The following FAM117B variants were observed in gnomAD, a reference collection of about 807,000 sequenced individuals.
FAM117B encodes family with sequence similarity 117 member B.
A neutral mutation model predicts 52.8 loss-of-function variants in FAM117B; 22 were observed. The ratio of observed to expected loss-of-function variants is 0.42; its 90% CI spans 0.30 to 0.59. The LOEUF is 0.59. Among genes scored for constraint, FAM117B ranks in the 20% least tolerant of loss-of-function variants. FAM117B has a pLI of 0.22. For missense variants in FAM117B, 678 were observed against 802.6 expected, an observed-to-expected ratio of 0.84 and a Z score of 1.88; for synonymous variants, 309 against 324.1, an observed-to-expected ratio of 0.95 and a Z score of 0.50.
intron 1 of FAM117B, 42 bp downstream of exon 1, chr2:202,635,830 G>A (rs1003775884): frequency 3.6e-6 from 5 of 1,388,326 alleles, no homozygotes; most frequent in East Asian, 3.1e-5. Context: ...GGCGGCTGCG[G>A]GAAGGGGTCC....
At chr2:202,686,469 A>G (rs1486127807) in intron 1 of FAM117B, among the ~76,000 whole-genome samples, 1 of 152,224 alleles carries the variant, frequency 6.6e-6, no homozygotes, top group Non-Finnish European at 1.5e-5. Context: ...ATTTTCGTAT[A>G]TGACTTATTC....
At chr2:202,707,719 G>A (rs188972279) in intron 2 of FAM117B, among the ~76,000 whole-genome samples, 8 of 151,982 alleles carry the variant, frequency 5.3e-5, no homozygotes, top group Admixed American at 1.3e-4. Context: ...AAGTCATTCA[G>A]TCAGTCCATC....
intron 4 of FAM117B, among the ~76,000 whole-genome samples, chr2:202,734,986 CT>C (rs1308756087): frequency 2.0e-5 from 3 of 152,172 alleles, no homozygotes; most frequent in East Asian, 1.9e-4. Context: ...TCTTTCTCCC[CT>C]ATTGCTGACA....
chr2:202,650,959 G>A (rs540753328), intron 1 of FAM117B, among the ~76,000 whole-genome samples: 1 of 151,820 alleles, frequency 6.6e-6, no homozygotes, highest in Non-Finnish European at 1.5e-5. Context: ...AAACAAACCC[G>A]GGAACAATAC....
chr2:202,652,546 T>C (rs577321622), intron 1 of FAM117B, among the ~76,000 whole-genome samples: 18 of 152,324 alleles, frequency 1.2e-4, no homozygotes, highest in African/African-American at 4.1e-4. Flanking sequence ...GAAGAACATA[T>C]GTAGTATTAC....
At chr2:202,757,555 CA>C (rs1691821650) in intron 6 of FAM117B, 117 bp downstream of exon 6, 1 of 1,110,222 alleles carries the variant, frequency 9.0e-7, no homozygotes. Flanking sequence ...TTAATGTGTT[CA>C]AAGCCTAGGT....
chr2:202,665,356 T>C (rs1690186550), intron 1 of FAM117B, among the ~76,000 whole-genome samples: 1 of 151,860 alleles, frequency 6.6e-6, no homozygotes, highest in Non-Finnish European at 1.5e-5. Context: ...AAGCCAGCAG[T>C]GGAATATCTC....
At chr2:202,664,313 T>C (rs1176215661) in intron 1 of FAM117B, among the ~76,000 whole-genome samples, 1 of 152,120 alleles carries the variant, frequency 6.6e-6, no homozygotes, top group Non-Finnish European at 1.5e-5. Context: ...GTAGGAAAAA[T>C]GATAAAAATA....
At chr2:202,649,539 T>A in intron 1 of FAM117B, among the ~76,000 whole-genome samples, 1 of 130,734 alleles carries the variant, frequency 7.6e-6, no homozygotes, top group South Asian at 2.1e-4. Flanking sequence ...TGCTTTGTTA[T>A]TTATTTATTT....
chr2:202,655,122 G>A (rs13397870), intron 1 of FAM117B, among the ~76,000 whole-genome samples: 13,672 of 152,148 alleles, frequency 0.09, 2,067 homozygotes, highest in African/African-American at 0.31. Flanking sequence ...AATGTCATAT[G>A]AATGAGTTGT....
intron 1 of FAM117B, among the ~76,000 whole-genome samples, chr2:202,648,391 C>T (rs1689902124): frequency 6.6e-6 from 1 of 151,870 alleles, no homozygotes; most frequent in South Asian, 2.1e-4. Flanking sequence ...TCGGTGTGCG[C>T]CTGTAGTCCC....
chr2:202,746,655 A>G (rs1319781911), intron 4 of FAM117B, among the ~76,000 whole-genome samples: 1 of 152,178 alleles, frequency 6.6e-6, no homozygotes, highest in African/African-American at 2.4e-5. Context: ...GGAAATGGGT[A>G]ATTTCATTGA....
intron 2 of FAM117B, among the ~76,000 whole-genome samples, chr2:202,699,428 AAAAAAAAAAAAAAAAAAAAAG>A (rs1690762719): frequency 3.3e-5 from 4 of 122,858 alleles, no homozygotes; most frequent in Non-Finnish European, 6.5e-5. Context: ...CCCCATCTCA[AAAAAAAAAAAAAAAAAAAAAG>A]AAAAAAAAAA....
At chr2:202,648,327 T>G (rs1490459789) in intron 1 of FAM117B, among the ~76,000 whole-genome samples, 1 of 152,032 alleles carries the variant, frequency 6.6e-6, no homozygotes, top group Admixed American at 6.6e-5. Flanking sequence ...CTGGGCAACA[T>G]GGTGAAACCC....
intron 2 of FAM117B, among the ~76,000 whole-genome samples, chr2:202,703,376 C>T (rs192671395): frequency 6.6e-6 from 1 of 152,192 alleles, no homozygotes; most frequent in African/African-American, 2.4e-5. Context: ...CTTCCTCCTA[C>T]CTCCTTCCCT....
At chr2:202,660,698 C>T (rs1298519672) in intron 1 of FAM117B, among the ~76,000 whole-genome samples, 2 of 152,128 alleles carry the variant, frequency 1.3e-5, no homozygotes, top group Admixed American at 1.3e-4. Flanking sequence ...TTAACCTCTC[C>T]ACACTATCAT....
At chr2:202,642,365 A>ATATATATATATATATATAT (rs1559092461) in intron 1 of FAM117B, among the ~76,000 whole-genome samples, 2 of 148,556 alleles carry the variant, frequency 1.3e-5, no homozygotes, top group Admixed American at 6.7e-5. Flanking sequence ...ATATATATAT[A>ATATATATATATATATATAT]AAATGAGTAG....
At position 202,768,267 on chromosome 2, in the gene FAM117B, T is replaced by C. The variant is rs1692015193; in HGVS notation, c.*2503T>C. 6.6e-6 allele frequency: 1 copy of C among 152,216 alleles called. No individual in the cohort carries two copies. The highest frequency in any genetic ancestry group is 6.5e-5 in the Admixed American group (1 of 15,280). 9.4% of individuals were successfully genotyped at this position (152,216 alleles called of 1,614,324 possible). Reference sequence around the variant, plus strand: ...TGTGCCTATTTGTCTAATTCATATCTTTCTGTGGAGTTTCATATGTCCTTA... The same window carrying C: ...TGTGCCTATTTGTCTAATTCATATCCTTCTGTGGAGTTTCATATGTCCTTA... On this transcript the variant is annotated 3_prime_UTR_variant, in exon 8 of 8. Coordinates refer to ENST00000392238, the MANE Select transcript of FAM117B (RefSeq NM_173511.4).
intron 2 of FAM117B, among the ~76,000 whole-genome samples, chr2:202,715,647 A>G (rs1481469243): frequency 2.8e-5 from 4 of 142,140 alleles, no homozygotes; most frequent in Admixed American, 6.9e-5. Context: ...ATGGGCGGCC[A>G]GGCAGAGACG....
Sources: allele counts gnomAD v4.1 joint callset (sites outside exome capture counted in the v4.1 genomes callset), GRCh38; gene constraint gnomAD v4.1.1; transcripts MANE v1.5; gene names NCBI Gene and HGNC (gene_info 2026-07-23, HGNC 2026-07-21).